The following PDE4B variants were observed in gnomAD, a reference collection of about 807,000 sequenced individuals.
The protein encoded by PDE4B is 3',5'-cyclic-AMP phosphodiesterase 4B.
Under a neutral mutation model 82.2 loss-of-function variants are expected in PDE4B, and 20 were observed. The observed-to-expected ratio is 0.24, with a 90% CI of 0.17 to 0.35. The LOEUF is 0.35. PDE4B is among the 10% of genes least tolerant of loss of function. The probability of loss-of-function intolerance (pLI) is 1.00; values close to 1 mark genes in which losing one functional copy is unlikely to be tolerated. For missense variants in PDE4B, 655 were observed against 907.2 expected (o/e 0.72, Z 3.57); for synonymous variants, 320 against 318.9 (o/e 1.00, Z -0.04).
intron 3 of PDE4B, among the ~76,000 whole-genome samples, chr1:66,161,779 C>T (rs1173949869): frequency 6.6e-6 from 1 of 151,912 alleles, no homozygotes; most frequent in Non-Finnish European, 1.5e-5. Flanking sequence ...TAAGTATATC[C>T]CAGAATAAGT....
rs148037552 is a variant in PDE4B at position 65,854,016 on chromosome 1, C to T, written c.-70-59229C>T. Among the ~76,000 whole-genome samples, 472 of 152,114 alleles carry T rather than the reference C, an allele frequency of 3.1e-3. 4 individuals are homozygous for T. Among genetic ancestry groups the T allele is most frequent in the African/African-American group, 0.011 (444 of 41,516 alleles). Reference sequence around the variant, plus strand: ...ACAGTCACTCACATGGTTTTCTGTGCCCAGTGGTCCACATGAGAGCCTAGG... The same window carrying T: ...ACAGTCACTCACATGGTTTTCTGTGTCCAGTGGTCCACATGAGAGCCTAGG... On this transcript the variant is annotated intron_variant, in intron 1 of 16. Transcript: ENST00000341517.
At chr1:66,312,107 A>G (rs2101869024) in intron 7 of PDE4B, among the ~76,000 whole-genome samples, 1 of 152,312 alleles carries the variant, frequency 6.6e-6, no homozygotes, top group Non-Finnish European at 1.5e-5. Flanking sequence ...CCCTGAAAGC[A>G]TTACCTGATT....
intron 6 of PDE4B, among the ~76,000 whole-genome samples, chr1:66,263,752 G>A (rs1654848924): frequency 1.3e-5 from 2 of 152,196 alleles, no homozygotes; most frequent in Admixed American, 1.3e-4. Context: ...TTTGGAGAAG[G>A]TTTGATGGGT....
At chr1:65,853,893 T>G (rs527574751) in intron 1 of PDE4B, among the ~76,000 whole-genome samples, 1 of 152,302 alleles carries the variant, frequency 6.6e-6, no homozygotes, top group African/African-American at 2.4e-5. Flanking sequence ...AGAATTAAAC[T>G]AATACCCTAA....
intron 3 of PDE4B, among the ~76,000 whole-genome samples, chr1:66,096,488 T>G (rs1645115862): frequency 1.2e-5 from 1 of 85,516 alleles, no homozygotes. Context: ...CCTAATTAAA[T>G]GCGGTATAAG....
At chr1:65,968,142 C>T (rs147424929) in intron 3 of PDE4B, among the ~76,000 whole-genome samples, 339 of 152,208 alleles carry the variant, frequency 2.2e-3, no homozygotes, top group Non-Finnish European at 3.5e-3. Flanking sequence ...GAAACCAATA[C>T]TCAGACCAGC....
At chr1:66,099,510 T>C (rs1645180319) in intron 3 of PDE4B, among the ~76,000 whole-genome samples, 1 of 152,152 alleles carries the variant, frequency 6.6e-6, no homozygotes, top group African/African-American at 2.4e-5. Context: ...TTCAACTTCA[T>C]TGTTCTAATT....
At chr1:66,047,891 C>A (rs1654801804) in intron 3 of PDE4B, among the ~76,000 whole-genome samples, 1 of 151,946 alleles carries the variant, frequency 6.6e-6, no homozygotes, top group Non-Finnish European at 1.5e-5. Context: ...GTTTACTTAG[C>A]ACTTGTGTCT....
intron 1 of PDE4B, among the ~76,000 whole-genome samples, chr1:65,895,401 T>C (rs1646898054): frequency 2.0e-5 from 3 of 151,740 alleles, no homozygotes; most frequent in African/African-American, 7.2e-5. Flanking sequence ...AATATGAAAA[T>C]TAGCTGTGCA....
At chr1:65,892,091 C>T (rs1347461560) in intron 1 of PDE4B, among the ~76,000 whole-genome samples, 2 of 152,024 alleles carry the variant, frequency 1.3e-5, no homozygotes, top group Non-Finnish European at 2.9e-5. Context: ...TGATTCCTTG[C>T]TTTTAGAAAC....
intron 7 of PDE4B, among the ~76,000 whole-genome samples, chr1:66,270,768 G>A (rs1655417555): frequency 6.6e-6 from 1 of 151,574 alleles, no homozygotes; most frequent in South Asian, 2.1e-4. Context: ...AAGATTAGAG[G>A]GAATTATAAG....
intron 3 of PDE4B, among the ~76,000 whole-genome samples, chr1:66,203,576 T>C (rs770788166): frequency 9.9e-5 from 15 of 152,180 alleles, no homozygotes; most frequent in Non-Finnish European, 1.5e-4. Context: ...TTAACTTCCC[T>C]TCTTGCTTCG....
At chr1:66,159,624 A>G (rs1646570389) in intron 3 of PDE4B, among the ~76,000 whole-genome samples, 1 of 152,160 alleles carries the variant, frequency 6.6e-6, no homozygotes, top group South Asian at 2.1e-4. Flanking sequence ...TGCTATAGAT[A>G]ATAGGATTTT....
chr1:65,899,634 T>TTA (rs1480705877), intron 1 of PDE4B, among the ~76,000 whole-genome samples: 6 of 147,982 alleles, frequency 4.1e-5, no homozygotes, highest in South Asian at 2.1e-4. Context: ...TATATGTAAT[T>TTA]TATATATATA....
chr1:65,873,722 A>C (rs1018040107), intron 1 of PDE4B, among the ~76,000 whole-genome samples: 1 of 152,208 alleles, frequency 6.6e-6, no homozygotes, highest in African/African-American at 2.4e-5. Flanking sequence ...ATCATTGTCT[A>C]AGACCAACAT....
At chr1:65,950,753 G>A (rs1258172886) in intron 3 of PDE4B, among the ~76,000 whole-genome samples, 2 of 152,000 alleles carry the variant, frequency 1.3e-5, no homozygotes, top group African/African-American at 4.8e-5. Flanking sequence ...CTGGTTCAGG[G>A]CGATTCTCTG....
chr1:66,179,288 A>G (rs941494590), intron 3 of PDE4B, among the ~76,000 whole-genome samples: 1 of 152,226 alleles, frequency 6.6e-6, no homozygotes, highest in African/African-American at 2.4e-5. Flanking sequence ...ACCAGGCTAT[A>G]TAAGTGTCTG....
chr1:65,864,339 C>T (rs1317802144), intron 1 of PDE4B, among the ~76,000 whole-genome samples: 2 of 151,988 alleles, frequency 1.3e-5, no homozygotes, highest in Non-Finnish European at 2.9e-5. Flanking sequence ...TTGTTATTAC[C>T]CACCTTTTGA....
intron 7 of PDE4B, among the ~76,000 whole-genome samples, chr1:66,295,492 A>G (rs1657443754): frequency 6.6e-6 from 1 of 152,164 alleles, no homozygotes; most frequent in Admixed American, 6.6e-5. Flanking sequence ...GCAGTAGTGC[A>G]ATCTCGGCTC....
Sources: allele counts gnomAD v4.1 joint callset (sites outside exome capture counted in the v4.1 genomes callset), GRCh38; gene constraint gnomAD v4.1.1; transcripts MANE v1.5; gene names NCBI Gene and HGNC (gene_info 2026-07-23, HGNC 2026-07-21).